RMST: variants seen among roughly 807,000 people sequenced by gnomAD.
RMST encodes long intergenic non-protein coding RNA 54.
chr12:97,555,451 T>C (rs779490930), intron 11 of RMST, among the ~76,000 whole-genome samples: 1 of 152,336 alleles, frequency 6.6e-6, no homozygotes, highest in Admixed American at 6.5e-5. Flanking sequence ...CTACGTTTCA[T>C]GTGTTTAGCA....
At chr12:97,513,956 T>C (rs969982519) in intron 10 of RMST, among the ~76,000 whole-genome samples, 2 of 152,158 alleles carry the variant, frequency 1.3e-5, no homozygotes, top group African/African-American at 4.8e-5. Flanking sequence ...TGTTCCACTG[T>C]AGGACTGGAA....
chr12:97,559,088 T>TTG (rs111647408), intron 11 of RMST, among the ~76,000 whole-genome samples: 1 of 146,652 alleles, frequency 6.8e-6, no homozygotes, highest in Non-Finnish European at 1.5e-5. Flanking sequence ...ATTTCGAGGT[T>TTG]TCTCTCTCTC....
At chr12:97,491,170 G>A (rs532403430) in intron 5 of RMST, among the ~76,000 whole-genome samples, 5 of 152,278 alleles carry the variant, frequency 3.3e-5, no homozygotes, top group Non-Finnish European at 7.4e-5. Context: ...GGGTAAGACA[G>A]GTTTTATTCC....
chr12:97,510,392 A>G (rs954688669), intron 10 of RMST, among the ~76,000 whole-genome samples: 2 of 152,334 alleles, frequency 1.3e-5, no homozygotes, highest in Non-Finnish European at 2.9e-5. Context: ...TCCATGAGTC[A>G]CTTATTTATT....
chr12:97,483,580 C>G (rs1038170093), intron 5 of RMST: 1 of 152,148 alleles, frequency 6.6e-6, no homozygotes, highest in African/African-American at 2.4e-5. Flanking sequence ...AATTGGTAGG[C>G]TCGATGATTT....
intron 5 of RMST, among the ~76,000 whole-genome samples, chr12:97,482,537 A>G (rs1406116700): frequency 2.0e-5 from 3 of 151,474 alleles, no homozygotes; most frequent in African/African-American, 7.3e-5. Flanking sequence ...ATTGTTGGTT[A>G]TATCAAAGAA....
intron 10 of RMST, among the ~76,000 whole-genome samples, chr12:97,528,390 TG>T (rs1881321832): frequency 6.6e-6 from 1 of 152,144 alleles, no homozygotes; most frequent in Non-Finnish European, 1.5e-5. Context: ...TTGGAGACAT[TG>T]TTTCCATTCT....
chr12:97,537,000 G>A (rs908382258), intron 11 of RMST, among the ~76,000 whole-genome samples: 3 of 151,382 alleles, frequency 2.0e-5, no homozygotes, highest in African/African-American at 7.3e-5. Context: ...AAACAACTTA[G>A]AGTCTTCATT....
intron 11 of RMST, among the ~76,000 whole-genome samples, chr12:97,542,815 CT>C (rs1293732460): frequency 6.6e-6 from 1 of 151,876 alleles, no homozygotes; most frequent in Admixed American, 6.6e-5. Flanking sequence ...TTGTCATTAG[CT>C]TGTCAAGCTT....
chr12:97,495,339 G>A (rs571581182), intron 9 of RMST, among the ~76,000 whole-genome samples: 70 of 151,982 alleles, frequency 4.6e-4, no homozygotes, highest in Middle Eastern at 3.4e-3. Context: ...GATAAGTGGC[G>A]ATTGTGTCTA....
intron 5 of RMST, among the ~76,000 whole-genome samples, chr12:97,468,321 T>C (rs926228985): frequency 5.9e-5 from 9 of 152,038 alleles, no homozygotes; most frequent in African/African-American, 2.2e-4. Context: ...TGTATTTGCT[T>C]AATGGTGTTT....
Position 97,535,992 on chromosome 12 carries a change from A to G in RMST, n.1545+5133A>G, listed in dbSNP as rs1039514867. ...GTCTTTAAAATGCTTGTGTTTACCT[A>G]TCTTTCTTTTAAAATTCATAAATAA... On this transcript the variant is annotated intron_variant and non_coding_transcript_variant, in intron 11 of 13. Coordinates refer to ENST00000640149, the Ensembl canonical transcript of RMST. Among the ~76,000 whole-genome samples, 7 of 151,590 alleles carry G rather than the reference A, an allele frequency of 4.6e-5. No individual in the cohort carries two copies. In the Admixed American group the frequency reaches 4.6e-4, roughly 10 times the overall value.
intron 5 of RMST, among the ~76,000 whole-genome samples, chr12:97,474,777 T>C (rs1415682297): frequency 2.0e-5 from 3 of 152,070 alleles, no homozygotes; most frequent in Non-Finnish European, 4.4e-5. Context: ...CTATTCCCAG[T>C]TTCACTTTCA....
chr12:97,514,038 TTAAA>T lies in RMST; in HGVS notation n.1341-16613_1341-16610del, dbSNP rs1879684884. 2.6e-5 allele frequency among the ~76,000 whole-genome samples: 4 copies of T among 152,182 alleles called. No individual in the cohort carries two copies. The South Asian group carries it at 6.2e-4, about 24-fold the overall frequency. ...AACTTTCCAATTATAAGGGTTATTC[TTAAA>T]TAAGAGGTTGTCAAGGAGCAAGAGG... On this transcript the variant is annotated intron_variant and non_coding_transcript_variant, in intron 10 of 13. Coordinates refer to ENST00000640149, the Ensembl canonical transcript of RMST.
intron 5 of RMST, among the ~76,000 whole-genome samples, chr12:97,478,082 T>C (rs1874778847): frequency 6.6e-6 from 1 of 152,252 alleles, no homozygotes; most frequent in Admixed American, 6.5e-5. Context: ...GTGGCATATG[T>C]ACTAAGGCTG....
At chr12:97,467,755 C>T (rs1873369718) in intron 5 of RMST, among the ~76,000 whole-genome samples, 1 of 151,862 alleles carries the variant, frequency 6.6e-6, no homozygotes, top group Non-Finnish European at 1.5e-5. Context: ...TTATCTGTCA[C>T]CTAGAAAGTT....
At chr12:97,558,195 G>C (rs2136667038) in intron 11 of RMST, among the ~76,000 whole-genome samples, 1 of 152,148 alleles carries the variant, frequency 6.6e-6, no homozygotes, top group East Asian at 1.9e-4. Flanking sequence ...TGTCCCATTG[G>C]GTCTTGGTCA....
intron 11 of RMST, among the ~76,000 whole-genome samples, chr12:97,538,762 A>T (rs533048157): frequency 2.0e-5 from 3 of 151,498 alleles, no homozygotes; most frequent in Non-Finnish European, 4.4e-5. Flanking sequence ...GAATTATTTC[A>T]ATTATGCTAA....
At chr12:97,523,900 AC>A (rs1329125905) in intron 10 of RMST, among the ~76,000 whole-genome samples, 1 of 151,618 alleles carries the variant, frequency 6.6e-6, no homozygotes, top group Admixed American at 6.6e-5. Context: ...ACACGGTGAA[AC>A]CCCATCTCTA....
Sources: gnomAD v4.1 joint callset for allele counts (sites outside exome capture counted in the v4.1 genomes callset) on GRCh38, gnomAD v4.1.1 for gene constraint, MANE v1.5 for transcripts, NCBI Gene and HGNC (gene_info 2026-07-23, HGNC 2026-07-21) for gene names.